Variants in RPS6KB2 observed in about 807,000 individuals in gnomAD.
RPS6KB2 encodes ribosomal protein S6 kinase B2.
Under a neutral mutation model 58.2 loss-of-function variants are expected in RPS6KB2, and 51 were observed. The observed-to-expected ratio is 0.88, with a 90% CI of 0.70 to 1.11. The LOEUF is 1.11. Ranked by LOEUF, RPS6KB2 falls within the 50% of genes least tolerant of loss-of-function variation. The probability of loss-of-function intolerance (pLI) is 0.00; values close to 1 mark genes in which losing one functional copy is unlikely to be tolerated. For missense variants in RPS6KB2, 671 were observed against 655.8 expected (o/e 1.02, Z -0.25); for synonymous variants, 293 against 258.6 (o/e 1.13, Z -1.28).
rs181254502 is a variant in RPS6KB2, at chr11:67,431,676, C to T, written c.457+161C>T. The T allele has an allele frequency of 1.0e-4, 64 of 627,918 alleles. No individual in the cohort carries two copies. The African/African-American group carries it at 1.0e-3, about 10-fold the overall frequency. 38.9% of individuals were successfully genotyped at this position (627,918 alleles called of 1,614,324 possible). ...TCCATCCATCCATCCGTGCATCCGT[C>T]CCATCATTCATTCATTCAGCAAACG... On this transcript the variant is annotated intron_variant, in intron 5 of 14. Transcript: ENST00000312629.
Position 67,433,225 on chromosome 11 carries a change from A to C in RPS6KB2, c.798+9A>C. The C allele has an allele frequency of 1.9e-6, 3 of 1,607,002 alleles. No homozygotes were observed. The highest frequency in any genetic ancestry group is 2.5e-6 in the Non-Finnish European group (3 of 1,179,300). On this transcript the variant is annotated intron_variant, in intron 9 of 14. Coordinates refer to ENST00000312629, the MANE Select transcript of RPS6KB2 (RefSeq NM_003952.3). ...ACATGCTCACTGGATCGGCAAGTCC[A>C]GCCCCCGGGGAGGAGGAGGGGCAGG...
At chr11:67,431,229 C>G (rs1364022088) in intron 4 of RPS6KB2, 139 bp from the exon 5 acceptor site, 2 of 704,412 alleles carry the variant, frequency 2.8e-6, no homozygotes, top group African/African-American at 3.6e-5. Flanking sequence ...GGGGTTTCAC[C>G]ATGTTGGCCA....
intron 6 of RPS6KB2, 21 bp from the exon 7 acceptor site, chr11:67,432,716 C>T (rs368165915): frequency 2.5e-6 from 4 of 1,613,956 alleles, no homozygotes; most frequent in Non-Finnish European, 3.4e-6. Context: ...CTCCCGCCTT[C>T]ACCCTGTCTT....
rs766997084 is a variant in RPS6KB2, at chr11:67,428,510, G to C, written c.-36G>C. ...GGGACTGTCAGTCAGTGCGCGGCCA[G>C]GTACGGGCCGACGGGCCCGCGGGGC... On this transcript the variant is annotated 5_prime_UTR_variant, in exon 1 of 15. Transcript: ENST00000312629. The C allele has an allele frequency of 3.0e-5, 48 of 1,580,398 alleles. No homozygotes were observed. The highest frequency in any genetic ancestry group is 4.1e-5 in the Non-Finnish European group (48 of 1,159,796).
intron 3 of RPS6KB2, 63 bp from the exon 4 acceptor site, chr11:67,429,464 G>A: frequency 6.7e-7 from 1 of 1,503,214 alleles, no homozygotes; most frequent in Admixed American, 1.8e-5. Context: ...AGAGCTTCAG[G>A]GTGGGGCTTC....
At chr11:67,430,502 G>T (rs1214608301) in intron 4 of RPS6KB2, 2 of 151,018 alleles carry the variant, frequency 1.3e-5, no homozygotes, top group Non-Finnish European at 3.0e-5. Flanking sequence ...TTGTCATGTT[G>T]GTCAGGCTGG....
At position 67,435,346 on chromosome 11, in the gene RPS6KB2, GC is replaced by G. The variant is rs1864235792; in HGVS notation, c.*180del. The G allele has an allele frequency of 1.5e-6, 1 of 655,674 alleles. No individual in the cohort carries two copies. Among genetic ancestry groups the G allele is most frequent in the Non-Finnish European group, 2.5e-6 (1 of 392,844 alleles). The allele number at this position is 655,674 out of a possible 1,614,324, so 40.6% of individuals were successfully genotyped here. On this transcript the variant is annotated 3_prime_UTR_variant, in exon 15 of 15. Transcript: ENST00000312629. ...CCCTGAATCATGGGCACGGAGGGCC[GC>G]CCGCCACGCCCCGCGCTCAACTGCT...
rs1227428837 is a variant in RPS6KB2 at position 67,429,560 on chromosome 11, T to C, written c.274T>C (p.Leu92=). Reference sequence around the variant, plus strand: ...GGTGCGAAAGGTGCAAGGCACCAACTTGGGCAAAATATATGCCATGAAAGT... The same window carrying C: ...GGTGCGAAAGGTGCAAGGCACCAACCTGGGCAAAATATATGCCATGAAAGT... ...FQVRKVQGTN[L]GKIYAMKVLR... The change falls in exon 4 of 15, where the codon TTG becomes CTG. Residue 92 remains leucine, a synonymous_variant. Transcript: ENST00000312629. 2.5e-6 allele frequency: 4 copies of C among 1,613,094 alleles called. No homozygotes were observed. The highest frequency in any genetic ancestry group is 2.2e-5 in the East Asian group (1 of 44,876).
Position 67,433,986 on chromosome 11 carries a change from G to A in RPS6KB2, c.907-9G>A. ...GCCCAGGCCCTCACCCTCTCTCCTG[G>A]TCCCGCAGTTTCTGAAACGGAATCC... On this transcript the variant is annotated splice_polypyrimidine_tract_variant and intron_variant, in intron 10 of 14. Coordinates refer to ENST00000312629, the MANE Select transcript of RPS6KB2 (RefSeq NM_003952.3). 6.2e-7 allele frequency: 1 copy of A among 1,614,122 alleles called. No individual in the cohort carries two copies. The highest frequency in any genetic ancestry group is 8.5e-7 in the Non-Finnish European group (1 of 1,180,020).
chr11:67,428,620 C>T lies in RPS6KB2; in HGVS notation c.75C>T (p.Pro25=). 2.5e-6 allele frequency: 4 copies of T among 1,609,202 alleles called. No homozygotes were observed. The highest frequency in any genetic ancestry group is 2.5e-6 in the Non-Finnish European group (3 of 1,178,284). ...SEGEGEPELS[P]ADACPLAELR... ...GCGAGGGCGAGCCAGAGCTCAGCCC[C>T]GCGGTGAGTGCCCTGCCCTGGCGCG... is the stretch of plus-strand genomic sequence containing the variant. The change falls in exon 1 of 15, where the codon CCC becomes CCT. Residue 25 remains proline, a synonymous_variant. Coordinates refer to ENST00000312629, the MANE Select transcript of RPS6KB2 (RefSeq NM_003952.3).
intron 10 of RPS6KB2, 97 bp downstream of exon 10, chr11:67,433,544 C>T: frequency 1.1e-6 from 1 of 929,318 alleles, no homozygotes; most frequent in Admixed American, 2.0e-5. Flanking sequence ...CCACCCCGGC[C>T]TGTGCAGTTT....
Position 67,432,776 on chromosome 11 carries a change from C to T in RPS6KB2, c.555C>T (p.Leu185=), listed in dbSNP as rs775660711. Residue 185 remains leucine, a synonymous_variant, in exon 7 of 15, where the codon CTC becomes CTT. Transcript: ENST00000312629. ...LAEITLALGH[L]HSQGIIYRDL... is the part of the protein sequence containing the mutation. ...AGATCACGCTGGCCCTGGGCCATCT[C>T]CACTCCCAGGGCATCATCTACCGGG... 1 of 1,614,130 alleles carries T rather than the reference C, an allele frequency of 6.2e-7. No individual in the cohort carries two copies. The highest frequency in any genetic ancestry group is 8.5e-7 in the Non-Finnish European group (1 of 1,180,014).
intron 4 of RPS6KB2, 138 bp downstream of exon 4, chr11:67,429,733 A>G: frequency 1.4e-6 from 1 of 700,956 alleles, no homozygotes; most frequent in South Asian, 1.7e-5. Context: ...GTCTGTTGTG[A>G]TGTGTATTGT....
chr11:67,434,035 C>T lies in RPS6KB2; in HGVS notation c.947C>T (p.Pro316Leu). 1 of 1,614,116 alleles carries T rather than the reference C, an allele frequency of 6.2e-7. No homozygotes were observed. Among genetic ancestry groups the T allele is most frequent in the South Asian group, 1.1e-5 (1 of 91,084 alleles). The change falls in exon 11 of 15, where the codon CCA becomes CTA. Residue 316 changes from proline (P) to leucine (L), a missense_variant. Transcript: ENST00000312629. ...RNPSQRIGGG[P>L]GDAADVQRHP... ...CCCAGCCAGCGGATTGGGGGTGGCC[C>T]AGGGGATGCTGCTGATGTGCAGGTG...
chr11:67,431,559 G>A (rs1203760078), intron 5 of RPS6KB2, 44 bp downstream of exon 5: 3 of 1,596,186 alleles, frequency 1.9e-6, no homozygotes, highest in Non-Finnish European at 1.7e-6. Context: ...GTCGCGGGGG[G>A]GCAGCGAGCC....
intron 1 of RPS6KB2, 153 bp downstream of exon 1, chr11:67,428,776 A>G: frequency 1.1e-6 from 1 of 900,476 alleles, no homozygotes; most frequent in South Asian, 1.5e-5. Context: ...TTCTGATCCC[A>G]CCCTCACCCC....
At position 67,434,677 on chromosome 11, in the gene RPS6KB2, C is replaced by T. The variant is rs1864200197; in HGVS notation, c.1251C>T (p.Ser417=). 1 of 1,606,402 alleles carries T rather than the reference C, an allele frequency of 6.2e-7. No homozygotes were observed. Among genetic ancestry groups the T allele is most frequent in the Non-Finnish European group, 8.5e-7 (1 of 1,176,952 alleles). The change falls in exon 14 of 15, where the codon AGC becomes AGT. Residue 417 remains serine, a synonymous_variant. Transcript: ENST00000312629. ...GCTCACCCAGGCGCCTCAACAGTAG[C>T]CCCCGGGCCCCCGTCAGGTACTGAG... ...KLRSPRRLNS[S]PRAPVSPLKF... is the part of the protein sequence containing the mutation.
In RPS6KB2 at chr11:67,432,672, T is replaced by C. The variant is rs537084523; in HGVS notation, c.515+15T>C. ...GATACGGCCTGGTGGGTGTTAATCC[T>C]CCGCTTTCCTGAGGCTGCCAGGTCC... On this transcript the variant is annotated intron_variant, in intron 6 of 14. Coordinates refer to ENST00000312629, the MANE Select transcript of RPS6KB2 (RefSeq NM_003952.3). The C allele has an allele frequency of 6.4e-5, 104 of 1,614,078 alleles. No homozygotes were observed. The South Asian group carries it at 1.0e-3, about 16-fold the overall frequency.
At chr11:67,431,969 T>C (rs1864035908) in intron 5 of RPS6KB2, 1 of 270,726 alleles carries the variant, frequency 3.7e-6, no homozygotes, top group Non-Finnish European at 7.3e-6. Context: ...CTCACCTGCT[T>C]TCTAGTGTCT....
Sources: gnomAD v4.1 joint callset for allele counts on GRCh38, gnomAD v4.1.1 for gene constraint, MANE v1.5 for transcripts, NCBI Gene and HGNC (gene_info 2026-07-23, HGNC 2026-07-21) for gene names.